EPHB1: variants seen among roughly 807,000 people sequenced by gnomAD.
EPHB1 encodes EPH receptor B1.
A neutral mutation model predicts 94.4 loss-of-function variants in EPHB1; 30 were observed. That is an observed-to-expected ratio of 0.32 (90% confidence interval 0.24 to 0.43). EPHB1 has a LOEUF of 0.43. Among genes scored for constraint, EPHB1 ranks in the 20% least tolerant of loss-of-function variants. EPHB1 has a pLI of 1.00. For synonymous variants in EPHB1, 522 were observed against 489.1 expected (o/e 1.07, Z -0.89); for missense variants, 1,055 against 1,308.3 (o/e 0.81, Z 2.99).
intron 1 of EPHB1, among the ~76,000 whole-genome samples, chr3:134,830,776 C>A (rs534829386): frequency 7.2e-5 from 11 of 152,310 alleles, no homozygotes; most frequent in African/African-American, 2.6e-4. Context: ...GCAGATGCAA[C>A]CTTGCCCTCC....
chr3:135,047,895 C>T (rs1294939478), intron 3 of EPHB1, among the ~76,000 whole-genome samples: 1 of 152,066 alleles, frequency 6.6e-6, no homozygotes. Context: ...CAGGACAGCC[C>T]CTCCCCCTAC....
chr3:135,160,318 C>T (rs1400699898), intron 6 of EPHB1, among the ~76,000 whole-genome samples: 1 of 152,196 alleles, frequency 6.6e-6, no homozygotes, highest in East Asian at 1.9e-4. Flanking sequence ...ATGGGAATTT[C>T]TTATCACTGT....
chr3:134,814,264 A>G (rs1560245180), intron 1 of EPHB1, among the ~76,000 whole-genome samples: 1 of 152,210 alleles, frequency 6.6e-6, no homozygotes, highest in Non-Finnish European at 1.5e-5. Context: ...GGAATCTGTC[A>G]TTGAAGAGAC....
At chr3:135,106,384 T>A in intron 3 of EPHB1, 64 bp from the exon 4 acceptor site, 1 of 1,582,210 alleles carries the variant, frequency 6.3e-7, no homozygotes, top group Non-Finnish European at 8.7e-7. Context: ...CTTTTCCGGT[T>A]GTAGGGAAGA....
chr3:135,153,329 C>T (rs973078991), intron 5 of EPHB1, among the ~76,000 whole-genome samples: 3 of 152,186 alleles, frequency 2.0e-5, no homozygotes, highest in African/African-American at 7.2e-5. Context: ...ACCTCTTCCC[C>T]TAGAAAGACA....
At chr3:134,840,950 G>A (rs748944145) in intron 1 of EPHB1, among the ~76,000 whole-genome samples, 2 of 152,144 alleles carry the variant, frequency 1.3e-5, no homozygotes, top group African/African-American at 2.4e-5. Context: ...GTCTCCAGCC[G>A]GTCACTTAAC....
intron 5 of EPHB1, among the ~76,000 whole-genome samples, chr3:135,144,171 G>C (rs1421772442): frequency 6.6e-6 from 1 of 152,230 alleles, no homozygotes; most frequent in Non-Finnish European, 1.5e-5. Context: ...AGGGAAAGGA[G>C]GCCCAGCTGT....
chr3:135,041,477 G>T (rs1936841182), intron 3 of EPHB1, among the ~76,000 whole-genome samples: 1 of 152,122 alleles, frequency 6.6e-6, no homozygotes, highest in Admixed American at 6.5e-5. Context: ...AGAACCCCAT[G>T]GTCTCACTCT....
At chr3:135,152,949 TG>T (rs569473687) in intron 5 of EPHB1, among the ~76,000 whole-genome samples, 4 of 152,340 alleles carry the variant, frequency 2.6e-5, no homozygotes, top group Admixed American at 2.0e-4. Context: ...GAGGACACTC[TG>T]GCTCTGAGTC....
chr3:135,236,405 G>T (rs983229018), intron 12 of EPHB1, among the ~76,000 whole-genome samples: 4 of 151,694 alleles, frequency 2.6e-5, no homozygotes, highest in Admixed American at 2.0e-4. Context: ...ATTTGCAAAG[G>T]CCCTGTTTCC....
At chr3:135,012,986 C>G (rs907368485) in intron 3 of EPHB1, among the ~76,000 whole-genome samples, 1 of 152,096 alleles carries the variant, frequency 6.6e-6, no homozygotes, top group Non-Finnish European at 1.5e-5. Flanking sequence ...TTAAAGGTAA[C>G]CAAAATCTGC....
intron 12 of EPHB1, among the ~76,000 whole-genome samples, chr3:135,234,700 G>A (rs1189773352): frequency 1.3e-5 from 2 of 152,214 alleles, no homozygotes; most frequent in Admixed American, 6.5e-5. Context: ...GGAAGGGGAA[G>A]CAAACTTGTC....
At chr3:134,932,929 A>T (rs1186713339) in intron 2 of EPHB1, among the ~76,000 whole-genome samples, 1 of 152,234 alleles carries the variant, frequency 6.6e-6, no homozygotes, top group African/African-American at 2.4e-5. Flanking sequence ...GACAGGCACC[A>T]CTGAATGGGG....
At chr3:134,936,473 GA>G (rs2039004126) in intron 2 of EPHB1, among the ~76,000 whole-genome samples, 1 of 152,174 alleles carries the variant, frequency 6.6e-6, no homozygotes. Context: ...AAGTGTTCAG[GA>G]AGTGAAAATT....
At chr3:134,915,802 G>A (rs571834949) in intron 1 of EPHB1, among the ~76,000 whole-genome samples, 71 of 152,240 alleles carry the variant, frequency 4.7e-4, no homozygotes, top group Admixed American at 1.7e-3. Context: ...AGACCTTCGC[G>A]GTGAGTGTTA....
At chr3:135,053,159 G>A (rs1397877272) in intron 3 of EPHB1, among the ~76,000 whole-genome samples, 1 of 102,590 alleles carries the variant, frequency 9.7e-6, no homozygotes, top group Non-Finnish European at 1.8e-5. Flanking sequence ...ATGTTTCTAG[G>A]AAGGTATTTT....
intron 12 of EPHB1, among the ~76,000 whole-genome samples, chr3:135,237,897 A>C (rs1392589085): frequency 6.6e-6 from 1 of 152,184 alleles, no homozygotes; most frequent in Non-Finnish European, 1.5e-5. Context: ...ATGCAGCAGC[A>C]GCAGGACCGC....
chr3:135,048,404 G>A (rs1290793921), intron 3 of EPHB1, among the ~76,000 whole-genome samples: 2 of 151,260 alleles, frequency 1.3e-5, no homozygotes, highest in African/African-American at 2.4e-5. Context: ...CCAGTAGCTG[G>A]GACTATGGGT....
At chr3:135,180,064 A>G (rs1942113340) in intron 10 of EPHB1, 82 bp downstream of exon 10, 1 of 1,536,964 alleles carries the variant, frequency 6.5e-7, no homozygotes, top group Non-Finnish European at 8.9e-7. Flanking sequence ...CTCTTTCAGT[A>G]TGAAAAGCCC....
Sources: allele counts gnomAD v4.1 joint callset (sites outside exome capture counted in the v4.1 genomes callset), GRCh38; gene constraint gnomAD v4.1.1; transcripts MANE v1.5; gene names NCBI Gene and HGNC (gene_info 2026-07-23, HGNC 2026-07-21).